Variants in DDX19B observed in about 807,000 individuals in gnomAD.
DDX19B encodes the protein DEAD-box helicase 19B.
Under a neutral mutation model 58.1 loss-of-function variants are expected in DDX19B, and 27 were observed. That is an observed-to-expected ratio of 0.46 (90% CI 0.34 to 0.64). The LOEUF (loss-of-function observed/expected upper bound fraction) is 0.64. Among genes scored for constraint, DDX19B ranks in the 30% least tolerant of loss-of-function variants. The probability of loss-of-function intolerance (pLI) is 0.01; values close to 1 mark genes in which losing one functional copy is unlikely to be tolerated. For missense variants in DDX19B, 399 were observed against 596.5 expected, an observed-to-expected ratio of 0.67 and a Z score of 3.45; for synonymous variants, 187 against 214.4, an observed-to-expected ratio of 0.87 and a Z score of 1.12.
intron 8 of DDX19B, 48 bp downstream of exon 8, chr16:70,329,517 G>A (rs377609980): frequency 2.7e-5 from 43 of 1,609,322 alleles, no homozygotes; most frequent in Non-Finnish European, 3.6e-5. Flanking sequence ...CATCTGCAGT[G>A]TCTTCTCCCT....
chr16:70,321,776 G>C (rs1175895464), intron 5 of DDX19B, among the ~76,000 whole-genome samples: 1 of 152,168 alleles, frequency 6.6e-6, no homozygotes, highest in East Asian at 1.9e-4. Context: ...GCTCACGCCT[G>C]TAATCCCAGC....
At chr16:70,301,062 G>A (rs1306696555) in intron 1 of DDX19B, among the ~76,000 whole-genome samples, 2 of 152,106 alleles carry the variant, frequency 1.3e-5, no homozygotes, top group South Asian at 2.1e-4. Flanking sequence ...TTCATATTGG[G>A]GAATAGAGGG....
chr16:70,299,287 C>G lies in DDX19B; in HGVS notation c.-11C>G. ...TCCACCAGCACGAGCGTCCCACCCG[C>G]GCCTGGGACCATGGCCACTGACTCA... On this transcript the variant is annotated 5_prime_UTR_variant, in exon 1 of 12. Coordinates refer to ENST00000288071, the MANE Select transcript of DDX19B (RefSeq NM_007242.7). 6.3e-7 allele frequency: 1 copy of G among 1,580,618 alleles called. No individual in the cohort carries two copies. The highest frequency in any genetic ancestry group is 8.6e-7 in the Non-Finnish European group (1 of 1,166,536).
chr16:70,303,966 A>T (rs1375304558), intron 1 of DDX19B, among the ~76,000 whole-genome samples: 1 of 152,150 alleles, frequency 6.6e-6, no homozygotes, highest in Non-Finnish European at 1.5e-5. Context: ...TTATAGTTTT[A>T]AATTTTACAT....
At chr16:70,331,031 C>G (rs1315544119) in intron 9 of DDX19B, among the ~76,000 whole-genome samples, 1 of 151,886 alleles carries the variant, frequency 6.6e-6, no homozygotes, top group Admixed American at 6.6e-5. Context: ...AGAATGAGAT[C>G]CTGTCTCAAA....
At chr16:70,314,018 G>A (rs1478285733) in intron 2 of DDX19B, among the ~76,000 whole-genome samples, 2 of 151,902 alleles carry the variant, frequency 1.3e-5, no homozygotes, top group African/African-American at 4.8e-5. Context: ...CTGAAACAGT[G>A]GAATCTCTTG....
At chr16:70,322,863 G>T (rs1016192142) in intron 5 of DDX19B, among the ~76,000 whole-genome samples, 4 of 140,688 alleles carry the variant, frequency 2.8e-5, no homozygotes, top group Admixed American at 2.3e-4. Flanking sequence ...TTGCACTCCA[G>T]CTCGGTGACA....
chr16:70,324,987 G>T (rs1209249696), intron 6 of DDX19B, among the ~76,000 whole-genome samples: 4 of 152,176 alleles, frequency 2.6e-5, no homozygotes, highest in African/African-American at 9.7e-5. Flanking sequence ...GGAGGCGGAG[G>T]TTGCAGTGAG....
At position 70,329,817 on chromosome 16, in the gene DDX19B, G is replaced by T; in HGVS notation, c.786-14G>T. 1.2e-6 allele frequency: 2 copies of T among 1,614,090 alleles called. No homozygotes were observed. Among genetic ancestry groups the T allele is most frequent in the Non-Finnish European group, 1.7e-6 (2 of 1,179,994 alleles). ...GGGCCACCTGGGGCCACCTACCAGG[G>T]CCTTCCCTTGCAGGATGCTGCCCAG... is the stretch of plus-strand genomic sequence containing the variant. On this transcript the variant is annotated splice_polypyrimidine_tract_variant and intron_variant, in intron 8 of 11. Coordinates refer to ENST00000288071, the MANE Select transcript of DDX19B (RefSeq NM_007242.7).
At position 70,326,851 on chromosome 16, in the gene DDX19B, T is replaced by G. The variant is rs563115644; in HGVS notation, c.607+1163T>G. Among the ~76,000 whole-genome samples the G allele has an allele frequency of 3.8e-3, 571 of 151,796 alleles. 6 individuals are homozygous for G. Among genetic ancestry groups the G allele is most frequent in the African/African-American group, 0.013 (530 of 41,414 alleles). ...GTGCCCAGACTTCTTTCTTTTTTTT[T>G]TGAGAGAGAGTCTCGCCCTGTCGCC... On this transcript the variant is annotated intron_variant, in intron 7 of 11. Coordinates refer to ENST00000288071, the MANE Select transcript of DDX19B (RefSeq NM_007242.7).
chr16:70,317,630 A>G lies in DDX19B; in HGVS notation c.389+42A>G, dbSNP rs376128179. On this transcript the variant is annotated intron_variant, in intron 5 of 11. Transcript: ENST00000288071. Reference sequence around the variant, plus strand: ...AACTCCATTTCATTTTAGATTTTCTATTTTTGAAAACTATTATTATTTTCA... The same window carrying G: ...AACTCCATTTCATTTTAGATTTTCTGTTTTTGAAAACTATTATTATTTTCA... The G allele has an allele frequency of 2.7e-5, 42 of 1,558,390 alleles. 1 individual carries two copies. The South Asian group carries it at 4.1e-4, about 15-fold the overall frequency.
chr16:70,299,400 C>T, intron 1 of DDX19B, 46 bp downstream of exon 1: 3 of 1,545,216 alleles, frequency 1.9e-6, no homozygotes, highest in South Asian at 1.2e-5. Context: ...TAGTTCTGGT[C>T]GGAGACTTGG....
chr16:70,294,740 T>G, upstream of DDX19B: 1 of 941,040 alleles, frequency 1.1e-6, no homozygotes, highest in Non-Finnish European at 1.5e-6. Context: ...TACCGTCCCC[T>G]CAGCTGATTG....
At chr16:70,306,547 A>G (rs1368480732) in intron 1 of DDX19B, among the ~76,000 whole-genome samples, 1 of 152,156 alleles carries the variant, frequency 6.6e-6, no homozygotes, top group Non-Finnish European at 1.5e-5. Flanking sequence ...TTTTGGCTTG[A>G]GTTTGCATCA....
chr16:70,324,454 G>T, intron 5 of DDX19B, 131 bp from the exon 6 acceptor site: 2 of 636,604 alleles, frequency 3.1e-6, no homozygotes, highest in Non-Finnish European at 2.7e-6. Flanking sequence ...CTGTTCTTGT[G>T]AAGCTAGCAT....
intron 1 of DDX19B, among the ~76,000 whole-genome samples, chr16:70,310,979 T>G (rs982078572): frequency 6.8e-6 from 1 of 147,830 alleles, no homozygotes; most frequent in Admixed American, 6.8e-5. Context: ...TACAGTGAGC[T>G]GAGATCAGGC....
chr16:70,328,694 G>A (rs750725104), intron 7 of DDX19B, among the ~76,000 whole-genome samples: 49 of 151,610 alleles, frequency 3.2e-4, no homozygotes, highest in Admixed American at 8.6e-4. Flanking sequence ...ACAATATATT[G>A]TTGACTGTAG....
intron 4 of DDX19B, among the ~76,000 whole-genome samples, chr16:70,316,452 C>G (rs1567630143): frequency 6.6e-6 from 1 of 152,120 alleles, no homozygotes; most frequent in Non-Finnish European, 1.5e-5. Flanking sequence ...TCATGATCCA[C>G]TTGCCTCGGC....
chr16:70,317,078 G>C (rs1240647813), intron 4 of DDX19B, among the ~76,000 whole-genome samples: 1 of 151,890 alleles, frequency 6.6e-6, no homozygotes, highest in Non-Finnish European at 1.5e-5. Context: ...CATGTTGGCG[G>C]GTGCCTGTAG....
Sources: gnomAD v4.1 joint callset for allele counts (sites outside exome capture counted in the v4.1 genomes callset) on GRCh38, gnomAD v4.1.1 for gene constraint, MANE v1.5 for transcripts, NCBI Gene and HGNC (gene_info 2026-07-23, HGNC 2026-07-21) for gene names.